The following ARHGEF1 variants were observed in gnomAD, a reference collection of about 807,000 sequenced individuals.
ARHGEF1 encodes 115 kDa guanine nucleotide exchange factor.
In ARHGEF1, 40 loss-of-function variants were observed where a neutral mutation model predicts 119.7. The ratio of observed to expected loss-of-function variants is 0.33; its 90% CI spans 0.26 to 0.44. ARHGEF1 has a LOEUF of 0.44. Ranked by LOEUF, ARHGEF1 falls within the 20% of genes least tolerant of loss-of-function variation. ARHGEF1 has a pLI of 1.00. For missense variants in ARHGEF1, 976 were observed against 1,268.3 expected (o/e 0.77, Z 3.50); for synonymous variants, 494 against 521.0 (o/e 0.95, Z 0.71).
chr19:41,906,901 G>A lies in ARHGEF1; in HGVS notation c.*17+98G>A. On this transcript the variant is annotated intron_variant, in intron 28 of 28. Transcript: ENST00000354532. This position sits in a 1 kb window ranked among gnomAD's most constrained non-coding sequence, Gnocchi z 4.5. ...GCCCCTTCTGTCCATCTCCCTCTTT[G>A]TCTTTTCTGAATCTCCCCACTCCAC... The A allele has an allele frequency of 9.5e-7, 1 of 1,053,344 alleles. No individual in the cohort carries two copies. The highest frequency in any genetic ancestry group is 3.0e-5 in the Admixed American group (1 of 33,784). The allele number at this position is 1,053,344 out of a possible 1,614,324, so 65.2% of individuals were successfully genotyped here. A position where few individuals can be genotyped will look rare whatever the true frequency, so the allele number is the denominator to read the frequency against.
chr19:41,924,193 C>T (rs1427948214), intron 1 of ARHGEF1, among the ~76,000 whole-genome samples: 1 of 151,652 alleles, frequency 6.6e-6, no homozygotes, highest in Non-Finnish European at 1.5e-5. Context: ...ACCAAAGTCC[C>T]TAGGTGGATA....
chr19:41,905,338 C>A lies in ARHGEF1; in HGVS notation c.2336+77C>A. On this transcript the variant is annotated intron_variant, in intron 24 of 28. Coordinates refer to ENST00000354532, the MANE Select transcript of ARHGEF1 (RefSeq NM_004706.4). This position sits in a 1 kb window ranked among gnomAD's most constrained non-coding sequence, Gnocchi z 6.4. ...CGGGGCAGGCTTCCCTCCACAACTC[C>A]AGAACCGTCTCTGTGTGAGCATGCA... is the stretch of plus-strand genomic sequence containing the variant. The A allele has an allele frequency of 7.7e-7, 1 of 1,296,386 alleles. No individual in the cohort carries two copies. Among genetic ancestry groups the A allele is most frequent in the South Asian group, 1.3e-5 (1 of 74,196 alleles). The allele number at this position is 1,296,386 out of a possible 1,614,324, so 80.3% of individuals were successfully genotyped here.
chr19:41,906,809 T>C lies in ARHGEF1; in HGVS notation c.*17+6T>C, dbSNP rs1254598108. 6 of 1,596,974 alleles carry C rather than the reference T, an allele frequency of 3.8e-6. No individual in the cohort carries two copies. Among genetic ancestry groups the C allele is most frequent in the Non-Finnish European group, 5.1e-6 (6 of 1,171,034 alleles). ...TGAGGTTCCCGCCCAGGAAGGTGAG[T>C]GGGGCACCTGGGGGCCAGGGCGCTG... On this transcript the variant is annotated splice_donor_region_variant and intron_variant, in intron 28 of 28. Coordinates refer to ENST00000354532, the MANE Select transcript of ARHGEF1 (RefSeq NM_004706.4). The surrounding 1 kb of genome is among the most constrained non-coding windows in gnomAD (Gnocchi z 4.5).
At chr19:41,907,728 T>C (rs575897184), downstream of ARHGEF1, 3 of 236,998 alleles carry the variant, frequency 1.3e-5, no homozygotes, top group Non-Finnish European at 2.4e-5. Context: ...CTTTTATTTC[T>C]GTAGTAAACT....
chr19:41,900,977 G>C (rs1465569138), intron 14 of ARHGEF1: 1 of 151,718 alleles, frequency 6.6e-6, no homozygotes, highest in African/African-American at 2.4e-5. Flanking sequence ...TTTTAGTAGA[G>C]ATGGGGTTTC....
downstream of ARHGEF1, chr19:41,909,170 T>C: frequency 2.4e-6 from 3 of 1,231,824 alleles, no homozygotes; most frequent in Non-Finnish European, 3.0e-6. This position sits in a 1 kb window ranked among gnomAD's most constrained non-coding sequence, Gnocchi z 5.2. Context: ...GAACAGGGTT[T>C]GCAGGGTCTA....
chr19:41,926,982 AAGAG>A (rs1336052912), intron 1 of ARHGEF1, among the ~76,000 whole-genome samples: 6 of 151,796 alleles, frequency 4.0e-5, no homozygotes, highest in African/African-American at 9.7e-5. Flanking sequence ...CCGAGAAAGG[AAGAG>A]AGAGAGATAG....
At chr19:41,894,135 AGTGTGTGTGTGTGTGTGTGTGTGTGTGT>A in intron 8 of ARHGEF1, 44 bp from the exon 9 acceptor site, 1 of 484,532 alleles carries the variant, frequency 2.1e-6, no homozygotes, top group Non-Finnish European at 3.4e-6. Flanking sequence ...TGTGTGTGTG[AGTGTGTGTGTGTGTGTGTGTGTGTGTGT>A]GTGTCTTTGT....
chr19:41,906,483 C>A lies in ARHGEF1; in HGVS notation c.2518C>A (p.Pro840Thr). The A allele has an allele frequency of 6.3e-7, 1 of 1,576,674 alleles. No individual in the cohort carries two copies. The highest frequency in any genetic ancestry group is 8.6e-7 in the Non-Finnish European group (1 of 1,168,798). Residue 840 changes from proline to threonine, a missense_variant, in exon 27 of 29, where the codon CCG becomes ACG. Transcript: ENST00000354532. This position sits in a 1 kb window ranked among gnomAD's most constrained non-coding sequence, Gnocchi z 4.5. ...GCTGTCCCTGAAGCAGCTTCTGTTT[C>A]CGGCGGAGGAAGACAATGGGGCGGG... is the stretch of plus-strand genomic sequence containing the variant. ...KVLSLKQLLF[P>T]AEEDNGAGPP...
rs1555845554 is a variant in ARHGEF1 at position 41,888,206 on chromosome 19, C to T, written c.39C>T (p.Pro13=). ...DFARGAASPG[P]SRPGLVPVSI... ...CCTTTCCACAGGCCTCCCCAGGCCC[C>T]TCCCGGCCTGGCCTGGTTCCCGTCA... Residue 13 remains proline (P), a synonymous_variant, in exon 3 of 29, where the codon CCC becomes CCT. Coordinates refer to ENST00000354532, the MANE Select transcript of ARHGEF1 (RefSeq NM_004706.4). This position sits in a 1 kb window ranked among gnomAD's most constrained non-coding sequence, Gnocchi z 5.1. 1.9e-6 allele frequency: 3 copies of T among 1,614,172 alleles called. No homozygotes were observed. In the South Asian group the frequency reaches 3.3e-5, roughly 18 times the overall value.
intron 1 of ARHGEF1, among the ~76,000 whole-genome samples, chr19:41,927,573 A>G (rs1182397164): frequency 6.6e-6 from 1 of 151,968 alleles, no homozygotes; most frequent in Non-Finnish European, 1.5e-5. Context: ...TTCCGCCCCA[A>G]GTGTCCAGTC....
chr19:41,888,252 G>T lies in ARHGEF1; in HGVS notation c.85G>T (p.Glu29Ter). The change falls in exon 3 of 29, where the codon GAG becomes TAG. Residue 29 changes from glutamate to a stop codon, truncating the protein, a stop_gained. Transcript: ENST00000354532. LOFTEE classifies it high-confidence loss of function. The surrounding 1 kb of genome is among the most constrained non-coding windows in gnomAD (Gnocchi z 5.1). ...CGTCAGCATCATCGGGGCTGAGGAT[G>T]AGGATTTTGAGAACGAGCTGGAGAC... Reference protein sequence around the residue: ...VPVSIIGAEDEDFENELETNS... With the variant: ...VPVSIIGAED The T allele has an allele frequency of 6.2e-7, 1 of 1,614,052 alleles. No homozygotes were observed. The highest frequency in any genetic ancestry group is 8.5e-7 in the Non-Finnish European group (1 of 1,180,020).
At chr19:41,930,050 T>TA (rs1291361807) in exon 3 of ARHGEF1, 3 of 152,264 alleles carry the variant, frequency 2.0e-5, no homozygotes, top group African/African-American at 7.2e-5. Context: ...GGAGCACAGC[T>TA]GGTACTGCAC....
At chr19:41,908,311 C>T (rs992568720), downstream of ARHGEF1, 77 of 1,231,386 alleles carry the variant, frequency 6.3e-5, no homozygotes, top group Non-Finnish European at 7.1e-5. This position sits in a 1 kb window ranked among gnomAD's most constrained non-coding sequence, Gnocchi z 6.7. Flanking sequence ...GAGCTGCAGC[C>T]GCTGACGTCG....
intron 14 of ARHGEF1, among the ~76,000 whole-genome samples, chr19:41,900,682 A>G (rs546987016): frequency 6.6e-6 from 1 of 151,754 alleles, no homozygotes; most frequent in African/African-American, 2.4e-5. Flanking sequence ...GGATATTCAC[A>G]GTTTTATCAC....
Position 41,892,148 on chromosome 19 carries a change from A to G in ARHGEF1, c.324+25A>G. The G allele has an allele frequency of 6.2e-7, 1 of 1,602,580 alleles. No individual in the cohort carries two copies. The highest frequency in any genetic ancestry group is 8.5e-7 in the Non-Finnish European group (1 of 1,171,864). On this transcript the variant is annotated intron_variant, in intron 5 of 28. Transcript: ENST00000354532. This position sits in a 1 kb window ranked among gnomAD's most constrained non-coding sequence, Gnocchi z 6.3. ...GGTGAGAGACCTTCAAGCTGCCCCA[A>G]CCCTGCAATCCCTGTTTGGGCCTGC...
At chr19:41,926,962 G>T (rs1279999583) in intron 1 of ARHGEF1, among the ~76,000 whole-genome samples, 1 of 151,990 alleles carries the variant, frequency 6.6e-6, no homozygotes, top group East Asian at 1.9e-4. Flanking sequence ...GAGAGAGATA[G>T]AAAGAGATGC....
rs782433500 is a variant in ARHGEF1, at chr19:41,892,314, TTC to T, written c.325-9_325-8del. ...ACACCAAGTCCTCCTCTTCACCCCATTCTCTCTCTTGAGCAGGTTCTCCGGGT... is the reference window on the plus strand; with the variant it reads ...ACACCAAGTCCTCCTCTTCACCCCATTCTCTCTTGAGCAGGTTCTCCGGGT... On this transcript the variant is annotated splice_polypyrimidine_tract_variant and intron_variant, in intron 5 of 28. Transcript: ENST00000354532. This position sits in a 1 kb window ranked among gnomAD's most constrained non-coding sequence, Gnocchi z 6.3. 70 of 1,613,518 alleles carry T rather than the reference TTC, an allele frequency of 4.3e-5. No homozygotes were observed. Among genetic ancestry groups the T allele is most frequent in the Non-Finnish European group, 5.6e-5 (66 of 1,179,972 alleles).
chr19:41,888,806 C>A lies in ARHGEF1; in HGVS notation c.166C>A (p.Pro56Thr). The A allele has an allele frequency of 6.2e-7, 1 of 1,614,238 alleles. No individual in the cohort carries two copies. Among genetic ancestry groups the A allele is most frequent in the Non-Finnish European group, 8.5e-7 (1 of 1,180,034 alleles). ...GAGCCTGGAGCAGGTGAAGCGGCGCCCAGCCCACCTCATGGCCCTCCTGCA... is the reference window on the plus strand; with the variant it reads ...GAGCCTGGAGCAGGTGAAGCGGCGCACAGCCCACCTCATGGCCCTCCTGCA... ...FQSLEQVKRR[P>T]AHLMALLQHV... The change falls in exon 4 of 29, where the codon CCA (proline) becomes ACA (threonine). Residue 56 changes from proline to threonine, a missense_variant. Physicochemically the swap from Pro to Thr is conservative, Grantham distance 38 (BLOSUM62 -1). Transcript: ENST00000354532. The surrounding 1 kb of genome is among the most constrained non-coding windows in gnomAD (Gnocchi z 5.1).
Sources: gnomAD v4.1 joint callset for allele counts (sites outside exome capture counted in the v4.1 genomes callset) on GRCh38, gnomAD v4.1.1 for gene constraint, Gnocchi (gnomAD v3.1) non-coding constraint, MANE v1.5 for transcripts, NCBI Gene and HGNC (gene_info 2026-07-23, HGNC 2026-07-21) for gene names.